Variants in PHACTR1 observed in about 807,000 individuals in gnomAD.
PHACTR1 encodes the protein phosphatase and actin regulator 1, also known as RPEL repeat containing 1.
PHACTR1 carries 16 observed loss-of-function variants against 69.2 expected under a neutral mutation model. The ratio of observed to expected loss-of-function variants is 0.23; its 90% CI spans 0.16 to 0.35. PHACTR1 has a LOEUF of 0.35. PHACTR1 is among the 10% of genes least tolerant of loss of function. The pLI is 1.00. For missense variants in PHACTR1, 510 were observed against 734.7 expected, an observed-to-expected ratio of 0.69 and a Z score of 3.54; for synonymous variants, 312 against 284.5, an observed-to-expected ratio of 1.10 and a Z score of -0.97.
intron 4 of PHACTR1, among the ~76,000 whole-genome samples, chr6:12,772,921 G>A (rs991020495): frequency 2.0e-5 from 3 of 152,182 alleles, no homozygotes; most frequent in African/African-American, 7.2e-5. Flanking sequence ...CATAACAAAT[G>A]GACTCTATTT....
chr6:12,749,727 G>T lies in PHACTR1; in HGVS notation c.187G>T (p.Val63Leu). ...DDIDRRPIRR[V>L]RSKSDTPYLA... The stretch of plus-strand genomic sequence containing the variant: ...TATAGACCGGCGGCCCATCCGGAGA[G>T]TGCGCTCCAAGAGCGACACGCCGTA... The change falls in exon 4 of 15, where the codon GTG becomes TTG. Residue 63 changes from valine (V) to leucine (L), a missense_variant. Transcript: ENST00000332995. 5.6e-6 allele frequency: 9 copies of T among 1,612,196 alleles called. No individual in the cohort carries two copies. The highest frequency in any genetic ancestry group is 3.3e-4 in the Middle Eastern group (2 of 6,060).
chr6:13,046,780 G>A (rs542376176), intron 4 of PHACTR1, among the ~76,000 whole-genome samples: 2 of 149,730 alleles, frequency 1.3e-5, no homozygotes, highest in Non-Finnish European at 3.0e-5. Context: ...AGGCACTCTG[G>A]ATTTTTAGAA....
chr6:13,039,351 A>G (rs1803824884), intron 4 of PHACTR1, among the ~76,000 whole-genome samples: 1 of 152,220 alleles, frequency 6.6e-6, no homozygotes, highest in South Asian at 2.1e-4. Context: ...GAAAACCTTC[A>G]AAAATATTTT....
chr6:13,213,174 T>A (rs906632742), intron 8 of PHACTR1, among the ~76,000 whole-genome samples: 2 of 152,236 alleles, frequency 1.3e-5, no homozygotes, highest in Admixed American at 6.5e-5. Context: ...ATTCTTTCAC[T>A]TATTAATCTG....
chr6:13,125,139 A>G (rs1819340459), intron 5 of PHACTR1, among the ~76,000 whole-genome samples: 1 of 152,234 alleles, frequency 6.6e-6, no homozygotes, highest in African/African-American at 2.4e-5. Flanking sequence ...AAGCAGGTGA[A>G]TTGACTAAGC....
At chr6:13,235,465 T>C (rs1294695691) in intron 10 of PHACTR1, among the ~76,000 whole-genome samples, 1 of 152,154 alleles carries the variant, frequency 6.6e-6, no homozygotes, top group Non-Finnish European at 1.5e-5. Context: ...CTTCTCAAAG[T>C]TCATAGTTAG....
At chr6:12,875,204 T>C (rs1378524571) in intron 4 of PHACTR1, among the ~76,000 whole-genome samples, 1 of 152,206 alleles carries the variant, frequency 6.6e-6, no homozygotes, top group African/African-American at 2.4e-5. Flanking sequence ...ATGGACATTG[T>C]ACTTAATGTA....
intron 4 of PHACTR1, chr6:12,957,868 C>T: frequency 1.0e-6 from 1 of 985,426 alleles, no homozygotes; most frequent in Non-Finnish European, 1.2e-6. Flanking sequence ...GGCGAAGGGG[C>T]TGCCTGGCAC....
intron 4 of PHACTR1, among the ~76,000 whole-genome samples, chr6:12,938,056 C>T (rs1409648291): frequency 6.6e-6 from 1 of 151,792 alleles, no homozygotes; most frequent in Non-Finnish European, 1.5e-5. Flanking sequence ...GCCGAGGTCA[C>T]GCCACTGCAC....
intron 4 of PHACTR1, among the ~76,000 whole-genome samples, chr6:12,847,011 T>A (rs1427154598): frequency 1.3e-5 from 2 of 151,940 alleles, no homozygotes; most frequent in Non-Finnish European, 2.9e-5. Context: ...GAGATGGAGT[T>A]TCGCCATGTA....
At chr6:13,122,980 AG>A (rs1818958613) in intron 5 of PHACTR1, among the ~76,000 whole-genome samples, 1 of 142,358 alleles carries the variant, frequency 7.0e-6, no homozygotes, top group African/African-American at 3.1e-5. Flanking sequence ...CTTAGAAACC[AG>A]GGAAGTGTCT....
At chr6:12,946,044 T>C (rs764683398) in intron 4 of PHACTR1, among the ~76,000 whole-genome samples, 5 of 151,250 alleles carry the variant, frequency 3.3e-5, no homozygotes, top group Non-Finnish European at 7.4e-5. Flanking sequence ...GAAGTGGATC[T>C]AGTATACAGT....
At chr6:12,738,275 A>G (rs1203393152) in intron 3 of PHACTR1, among the ~76,000 whole-genome samples, 1 of 152,164 alleles carries the variant, frequency 6.6e-6, no homozygotes, top group African/African-American at 2.4e-5. Context: ...GTGGTTATAT[A>G]TTTCCCTAGA....
At position 12,876,256 on chromosome 6, in the gene PHACTR1, T is replaced by A. The variant is rs547019386; in HGVS notation, c.250+126466T>A. ...ATACAAGGAAAAAATATTTATACCC[T>A]GCTTACGATGTGCCTGAGACTGTTC... is the stretch of plus-strand genomic sequence containing the variant. On this transcript the variant is annotated intron_variant, in intron 4 of 14. Transcript: ENST00000332995. Among the ~76,000 whole-genome samples the A allele has an allele frequency of 3.5e-4, 53 of 152,332 alleles. No homozygotes were observed. In the South Asian group the frequency reaches 0.01, roughly 30 times the overall value.
chr6:12,764,731 A>G (rs1274772352), intron 4 of PHACTR1, among the ~76,000 whole-genome samples: 1 of 152,216 alleles, frequency 6.6e-6, no homozygotes, highest in Non-Finnish European at 1.5e-5. Flanking sequence ...TGTTCAAAGT[A>G]AAAGGTAGAG....
chr6:13,201,545 G>A (rs1209326968), intron 7 of PHACTR1, among the ~76,000 whole-genome samples: 2 of 152,188 alleles, frequency 1.3e-5, no homozygotes, highest in East Asian at 1.9e-4. Flanking sequence ...TAGGGAGATA[G>A]ATATCTGGTA....
chr6:12,798,069 C>CA (rs1561892342), intron 4 of PHACTR1, among the ~76,000 whole-genome samples: 4 of 149,482 alleles, frequency 2.7e-5, no homozygotes, highest in African/African-American at 7.3e-5. Context: ...CACACACACA[C>CA]CCCTACATAA....
intron 4 of PHACTR1, among the ~76,000 whole-genome samples, chr6:12,928,891 AAGG>A (rs1788573178): frequency 1.3e-5 from 2 of 152,190 alleles, no homozygotes; most frequent in South Asian, 4.1e-4. Context: ...ATGAGTCTCG[AAGG>A]AGAAGAGAGG....
At chr6:12,723,337 A>T (rs545526598) in intron 3 of PHACTR1, among the ~76,000 whole-genome samples, 1 of 152,176 alleles carries the variant, frequency 6.6e-6, no homozygotes, top group Non-Finnish European at 1.5e-5. Flanking sequence ...GCTTGTTAGG[A>T]ATGTAGCATC....
Sources: allele counts gnomAD v4.1 joint callset (sites outside exome capture counted in the v4.1 genomes callset), GRCh38; gene constraint gnomAD v4.1.1; transcripts MANE v1.5; gene names NCBI Gene and HGNC (gene_info 2026-07-23, HGNC 2026-07-21).